ACSM3: variants seen among roughly 807,000 people sequenced by gnomAD.
ACSM3 encodes acyl-CoA synthetase medium chain family member 3.
A neutral mutation model predicts 74.1 loss-of-function variants in ACSM3; 61 were observed. That is an observed-to-expected ratio of 0.82 (90% CI 0.67 to 1.02). ACSM3 has a LOEUF of 1.02. Ranked by LOEUF, ACSM3 falls within the 50% of genes least tolerant of loss-of-function variation. The pLI is 0.00. For synonymous variants in ACSM3, 213 were observed against 241.5 expected (o/e 0.88, Z 1.09); for missense variants, 660 against 697.0 (o/e 0.95, Z 0.60).
At chr16:20,737,321 G>A in intron 1 of ACSM3, 1 of 1,566,428 alleles carries the variant, frequency 6.4e-7, no homozygotes, top group Non-Finnish European at 8.6e-7. Flanking sequence ...TAGCTGAGGA[G>A]GATACCATTA....
At chr16:20,752,066 C>T (rs1471904605) in intron 2 of ACSM3, among the ~76,000 whole-genome samples, 1 of 152,178 alleles carries the variant, frequency 6.6e-6, no homozygotes, top group African/African-American at 2.4e-5. Context: ...ACTTGGCATA[C>T]AGAAAACATT....
chr16:20,789,675 T>A, intron 9 of ACSM3: 1 of 596,894 alleles, frequency 1.7e-6, no homozygotes, highest in Non-Finnish European at 2.9e-6. Context: ...ATAAAGCAAC[T>A]CTATTTTTCT....
intron 9 of ACSM3, among the ~76,000 whole-genome samples, chr16:20,787,877 C>G (rs2080508102): frequency 6.6e-6 from 1 of 152,170 alleles, no homozygotes; most frequent in African/African-American, 2.4e-5. Flanking sequence ...GGTTTTAGCA[C>G]TTAAGGCAAT....
intron 1 of ACSM3, among the ~76,000 whole-genome samples, chr16:20,710,870 A>T (rs1335117496): frequency 6.6e-6 from 1 of 152,164 alleles, no homozygotes; most frequent in Non-Finnish European, 1.5e-5. Flanking sequence ...GGGTCACCTG[A>T]GGTCAGGAGT....
chr16:20,777,349 A>T (rs2080267416), intron 3 of ACSM3, 24 bp from the exon 4 acceptor site: 1 of 1,590,672 alleles, frequency 6.3e-7, no homozygotes, highest in Admixed American at 1.7e-5. Flanking sequence ...TCTTCTAAAC[A>T]CTGTTTCTTT....
chr16:20,677,165 GA>G (rs2020337068), intron 1 of ACSM3, among the ~76,000 whole-genome samples: 1 of 150,026 alleles, frequency 6.7e-6, no homozygotes, highest in Non-Finnish European at 1.5e-5. Context: ...AAGCCACAAA[GA>G]GAAGGAAAGA....
intron 1 of ACSM3, among the ~76,000 whole-genome samples, chr16:20,678,005 A>C (rs756347570): frequency 1.4e-4 from 21 of 150,414 alleles, no homozygotes; most frequent in Non-Finnish European, 2.5e-4. Flanking sequence ...AAGAATACTA[A>C]AGGCTAAAAT....
At chr16:20,730,504 GT>G (rs888529747) in intron 1 of ACSM3, among the ~76,000 whole-genome samples, 1 of 152,130 alleles carries the variant, frequency 6.6e-6, no homozygotes, top group African/African-American at 2.4e-5. Context: ...TCAAAAGTTT[GT>G]CTCTCAGCAT....
intron 1 of ACSM3, among the ~76,000 whole-genome samples, chr16:20,714,058 T>G (rs1023171115): frequency 3.3e-5 from 5 of 152,106 alleles, no homozygotes; most frequent in African/African-American, 9.7e-5. Flanking sequence ...TCATAATGGA[T>G]GAGGGAAAAG....
At chr16:20,741,523 A>C (rs2152423167) in intron 1 of ACSM3, 3 of 1,194,148 alleles carry the variant, frequency 2.5e-6, no homozygotes, top group East Asian at 1.2e-4. Flanking sequence ...TCTGGCCCAT[A>C]CATGTCGTCG....
At chr16:20,739,544 G>T (rs374026354) in intron 1 of ACSM3, among the ~76,000 whole-genome samples, 1 of 152,108 alleles carries the variant, frequency 6.6e-6, no homozygotes, top group Non-Finnish European at 1.5e-5. Flanking sequence ...AGCAAGGCCG[G>T]AAGTGGTGGC....
intron 1 of ACSM3, among the ~76,000 whole-genome samples, chr16:20,730,036 G>T (rs1175055027): frequency 6.6e-6 from 1 of 152,122 alleles, no homozygotes; most frequent in African/African-American, 2.4e-5. Flanking sequence ...TAACTCTCAG[G>T]ACTGCATTTG....
chr16:20,796,698 A>G lies in ACSM3; in HGVS notation c.1675-188A>G, dbSNP rs1059676. The stretch of plus-strand genomic sequence containing the variant: ...TGGTCCTTTGGCTTACTGGACTCAC[A>G]GTAAATACTTAATATCAAGACAACT... On this transcript the variant is annotated intron_variant, in intron 13 of 13. Coordinates refer to ENST00000289416, the MANE Select transcript of ACSM3 (RefSeq NM_005622.4). The G allele has an allele frequency of 0.077, 114,072 of 1,480,730 alleles. 4,903 individuals carry two copies. The highest frequency in any genetic ancestry group is 0.15 in the East Asian group (6,218 of 40,370). 91.7% of individuals were successfully genotyped at this position (1,480,730 alleles called of 1,614,324 possible).
chr16:20,682,376 G>A (rs2079464790), intron 1 of ACSM3: 2 of 1,613,956 alleles, frequency 1.2e-6, no homozygotes, highest in Non-Finnish European at 1.7e-6. Context: ...GGCATCTATG[G>A]TCACAATGCC....
chr16:20,689,086 A>C (rs937853202), intron 1 of ACSM3, among the ~76,000 whole-genome samples: 2 of 150,654 alleles, frequency 1.3e-5, no homozygotes, highest in African/African-American at 4.9e-5. Context: ...TATTGATGAC[A>C]TCAATAACAT....
chr16:20,775,800 A>G (rs1236645068), intron 2 of ACSM3, 39 bp from the exon 3 acceptor site: 1 of 1,605,442 alleles, frequency 6.2e-7, no homozygotes, highest in African/African-American at 1.3e-5. Context: ...TTAGCTGTAT[A>G]ACAACCTTTA....
chr16:20,752,094 G>A (rs2079993087), intron 2 of ACSM3, among the ~76,000 whole-genome samples: 1 of 152,144 alleles, frequency 6.6e-6, no homozygotes, highest in Non-Finnish European at 1.5e-5. Context: ...TGAGGCTGAG[G>A]CAGGAGAATG....
chr16:20,777,603 A>G (rs2152462117), intron 4 of ACSM3, 23 bp downstream of exon 4: 1 of 1,590,970 alleles, frequency 6.3e-7, no homozygotes, highest in Non-Finnish European at 8.6e-7. Flanking sequence ...ACTTGTTGTA[A>G]AACAGCTTCC....
intron 1 of ACSM3, among the ~76,000 whole-genome samples, chr16:20,709,500 G>T (rs2079737116): frequency 6.6e-6 from 1 of 152,146 alleles, no homozygotes; most frequent in African/African-American, 2.4e-5. Context: ...ACCACTAGAA[G>T]AAAACTGCCC....
Sources: allele counts gnomAD v4.1 joint callset (sites outside exome capture counted in the v4.1 genomes callset), GRCh38; gene constraint gnomAD v4.1.1; transcripts MANE v1.5; gene names NCBI Gene and HGNC (gene_info 2026-07-23, HGNC 2026-07-21).